Variants in CFAP97 observed in about 807,000 individuals in gnomAD.
CFAP97 encodes cilia- and flagella-associated protein 97.
A neutral mutation model predicts 43.1 loss-of-function variants in CFAP97; 36 were observed. The observed-to-expected ratio is 0.84, with a 90% CI of 0.64 to 1.10. The LOEUF is 1.10. Among genes scored for constraint, CFAP97 ranks in the 50% least tolerant of loss-of-function variants. The probability of loss-of-function intolerance (pLI) is 0.00; values close to 1 mark genes in which losing one functional copy is unlikely to be tolerated. For missense variants in CFAP97, 657 were observed against 620.3 expected, an observed-to-expected ratio of 1.06 and a Z score of -0.63; for synonymous variants, 228 against 225.7, an observed-to-expected ratio of 1.01 and a Z score of -0.09.
chr4:185,176,905 T>C (rs74707344), intron 2 of CFAP97, among the ~76,000 whole-genome samples: 5,984 of 152,280 alleles, frequency 0.039, 385 homozygotes, highest in African/African-American at 0.13. Flanking sequence ...AGCAAATACT[T>C]CTACTGTAAA....
chr4:185,180,882 T>C (rs1434674979), intron 2 of CFAP97, among the ~76,000 whole-genome samples: 1 of 152,056 alleles, frequency 6.6e-6, no homozygotes, highest in Non-Finnish European at 1.5e-5. Flanking sequence ...ACACCCCCCC[T>C]AAAGACTGAG....
In CFAP97 at chr4:185,175,784, A is replaced by G. The variant is rs201582850; in HGVS notation, c.1320+2T>C. The G allele has an allele frequency of 2.1e-4, 337 of 1,609,608 alleles. 1 individual carries two copies. The highest frequency in any genetic ancestry group is 2.7e-4 in the Non-Finnish European group (323 of 1,177,322). ...TGATGACTAATTATTTCAGTTACTTACCAAGTTTTCTCTCTCAATCCTTTG... is the reference window on the plus strand; with the variant it reads ...TGATGACTAATTATTTCAGTTACTTGCCAAGTTTTCTCTCTCAATCCTTTG... On this transcript the variant is annotated splice_donor_variant, in intron 3 of 4. Coordinates refer to ENST00000458385, the MANE Select transcript of CFAP97 (RefSeq NM_020827.3). LOFTEE classifies it high-confidence loss of function.
chr4:185,164,157 G>A lies in CFAP97; in HGVS notation c.1343C>T (p.Ala448Val). The change falls in exon 4 of 5, where the codon GCC becomes GTC. Residue 448 changes from alanine to valine, a missense_variant. Ala to Val is a moderately conservative substitution (Grantham distance 64). Transcript: ENST00000458385. ...ENLALLKRLEAVKPTVGMKRS... is the reference protein window; with the variant it reads ...ENLALLKRLEVVKPTVGMKRS... The stretch of plus-strand genomic sequence containing the variant: ...TTTCATACCAACTGTTGGTTTCACG[G>A]CCTCAAGCCTTTTCAATAAAGCCTT... 1.2e-6 allele frequency: 2 copies of A among 1,613,766 alleles called. No individual in the cohort carries two copies. The highest frequency in any genetic ancestry group is 1.7e-6 in the Non-Finnish European group (2 of 1,179,798).
At chr4:185,170,588 T>C (rs777049142) in intron 3 of CFAP97, among the ~76,000 whole-genome samples, 1 of 151,660 alleles carries the variant, frequency 6.6e-6, no homozygotes, top group Non-Finnish European at 1.5e-5. Context: ...TAATTTTTTG[T>C]ATTTTTAGTA....
At chr4:185,192,866 G>C (rs992591718) in intron 1 of CFAP97, among the ~76,000 whole-genome samples, 1 of 147,738 alleles carries the variant, frequency 6.8e-6, no homozygotes, top group Non-Finnish European at 1.5e-5. Flanking sequence ...TCAGCCTCCC[G>C]AGTAGCTGGG....
intron 3 of CFAP97, 44 bp from the exon 4 acceptor site, chr4:185,164,223 A>G: frequency 6.3e-7 from 1 of 1,581,070 alleles, no homozygotes; most frequent in Non-Finnish European, 8.6e-7. Flanking sequence ...TTAAACAGCA[A>G]TCATTTTTAA....
chr4:185,166,167 T>A (rs1338015775), intron 3 of CFAP97, among the ~76,000 whole-genome samples: 1 of 152,192 alleles, frequency 6.6e-6, no homozygotes, highest in Admixed American at 6.5e-5. Flanking sequence ...TGAGCTGAGT[T>A]TTTATTTCAA....
intron 3 of CFAP97, among the ~76,000 whole-genome samples, chr4:185,175,000 A>T (rs1735458134): frequency 6.6e-6 from 1 of 152,222 alleles, no homozygotes; most frequent in Non-Finnish European, 1.5e-5. Context: ...TCAATGTTTC[A>T]TACATTTAAG....
At chr4:185,187,903 T>C (rs1278060113) in intron 2 of CFAP97, among the ~76,000 whole-genome samples, 2 of 152,020 alleles carry the variant, frequency 1.3e-5, no homozygotes, top group African/African-American at 4.8e-5. Flanking sequence ...ATTATTACTA[T>C]TATCATTTTT....
intron 1 of CFAP97, among the ~76,000 whole-genome samples, chr4:185,201,616 T>C (rs1013903371): frequency 6.6e-5 from 10 of 152,212 alleles, no homozygotes; most frequent in African/African-American, 2.4e-4. Flanking sequence ...ATAACGTATG[T>C]ACATTTCTTA....
upstream of CFAP97, chr4:185,209,604 A>T (rs1469125396): frequency 2.4e-6 from 1 of 410,768 alleles, no homozygotes; most frequent in Non-Finnish European, 3.3e-6. This position sits in a 1 kb window ranked among gnomAD's most constrained non-coding sequence, Gnocchi z 5.2. Context: ...CTTCAGTCAC[A>T]ACACGGTGGG....
intron 3 of CFAP97, among the ~76,000 whole-genome samples, chr4:185,171,888 C>T (rs542277542): frequency 1.3e-5 from 2 of 152,176 alleles, no homozygotes; most frequent in Non-Finnish European, 2.9e-5. Context: ...AGCCATGCAT[C>T]ACCACACCTG....
At chr4:185,165,399 C>G (rs1396030731) in intron 3 of CFAP97, among the ~76,000 whole-genome samples, 1 of 152,152 alleles carries the variant, frequency 6.6e-6, no homozygotes, top group East Asian at 1.9e-4. Context: ...AACAGAGACT[C>G]ATGCAGAATG....
Position 185,190,673 on chromosome 4 carries a change from G to C in CFAP97, c.524C>G (p.Ser175Cys). 6.4e-7 allele frequency: 1 copy of C among 1,573,390 alleles called. No individual in the cohort carries two copies. Among genetic ancestry groups the C allele is most frequent in the Non-Finnish European group, 8.6e-7 (1 of 1,158,106 alleles). Residue 175 changes from serine (S) to cysteine (C), a missense_variant, in exon 2 of 5, where the codon TCC (serine) becomes TGC (cysteine). By Grantham distance (112) the Ser-to-Cys change is moderately radical (BLOSUM62 -1). Transcript: ENST00000458385. ...KYCKVSSSSS[S>C]SLSSSSSGSG... ...ACCTGAAGATGAGGAAGATAAAGAG[G>C]AGGAGGAAGAGGAGCTAACTTTGCA...
chr4:185,208,399 G>C (rs1737291511), upstream of CFAP97, among the ~76,000 whole-genome samples: 1 of 152,130 alleles, frequency 6.6e-6, no homozygotes, highest in African/African-American at 2.4e-5. Flanking sequence ...CATCTAGCAT[G>C]AGGCACTCTT....
Position 185,175,987 on chromosome 4 carries a change from G to A in CFAP97, c.1119C>T (p.Pro373=), listed in dbSNP as rs375689229. ...KHHFDQPSVA[P]GKNYSFTREE... Reference sequence around the variant, plus strand: ...CTCTTGTGAAAGAGTAGTTTTTCCCGGGTGCTACTGAAGGCTGATCAAAGT... The same window carrying A: ...CTCTTGTGAAAGAGTAGTTTTTCCCAGGTGCTACTGAAGGCTGATCAAAGT... The change falls in exon 3 of 5, where the codon CCC becomes CCT. Residue 373 remains proline (P), a synonymous_variant. Transcript: ENST00000458385. 8.2e-5 allele frequency: 132 copies of A among 1,613,230 alleles called. No individual in the cohort carries two copies. The African/African-American group carries it at 1.3e-3, about 16-fold the overall frequency.
intron 2 of CFAP97, among the ~76,000 whole-genome samples, chr4:185,187,662 T>A (rs985880856): frequency 4.0e-5 from 6 of 151,834 alleles, no homozygotes; most frequent in African/African-American, 1.2e-4. Flanking sequence ...AAAGTGTGAC[T>A]GGAACTCAGT....
At chr4:185,173,360 C>CT (rs1196726002) in intron 3 of CFAP97, among the ~76,000 whole-genome samples, 2 of 44,320 alleles carry the variant, frequency 4.5e-5, no homozygotes, top group South Asian at 1.4e-3. Flanking sequence ...GACTCCGTCT[C>CT]TTAAAAAAAA....
At chr4:185,194,971 T>A (rs1364922015) in intron 1 of CFAP97, among the ~76,000 whole-genome samples, 1 of 152,122 alleles carries the variant, frequency 6.6e-6, no homozygotes, top group East Asian at 1.9e-4. Flanking sequence ...ACACCCAGAC[T>A]CAAAATATGA....
Sources: allele counts gnomAD v4.1 joint callset (sites outside exome capture counted in the v4.1 genomes callset), GRCh38; gene constraint gnomAD v4.1.1; non-coding constraint Gnocchi (gnomAD v3.1); transcripts MANE v1.5; gene names NCBI Gene and HGNC (gene_info 2026-07-23, HGNC 2026-07-21).